The following CACNA1I variants were observed in gnomAD, a reference collection of about 807,000 sequenced individuals.
The protein encoded by CACNA1I is voltage-dependent T-type calcium channel subunit alpha-1I.
A neutral mutation model predicts 201.6 loss-of-function variants in CACNA1I; 74 were observed. That is an observed-to-expected ratio of 0.37 (90% CI 0.30 to 0.45). CACNA1I has a LOEUF of 0.45. Ranked by LOEUF, CACNA1I falls within the 20% of genes least tolerant of loss-of-function variation. CACNA1I has a pLI of 1.00. For missense variants in CACNA1I, 2,346 were observed against 3,138.1 expected (o/e 0.75, Z 6.03); for synonymous variants, 1,431 against 1,345.2 (o/e 1.06, Z -1.40).
chr22:39,624,086 C>T (rs547877173), intron 4 of CACNA1I, among the ~76,000 whole-genome samples: 2 of 143,084 alleles, frequency 1.4e-5, no homozygotes, highest in South Asian at 2.3e-4. Flanking sequence ...TGTGAGAGCG[C>T]GTGTGTGAAG....
chr22:39,677,361 C>G lies in CACNA1I; in HGVS notation c.4875C>G (p.Leu1625=). ...ALPQVGNLGL[L]FMLLFFIYAA... The stretch of plus-strand genomic sequence containing the variant: ...CGCAGGTGGGCAACCTGGGCCTCCT[C>G]TTCATGCTGCTCTTCTTCATCTATG... Residue 1625 remains leucine, a synonymous_variant, in exon 30 of 37, where the codon CTC becomes CTG. Transcript: ENST00000402142. The surrounding 1 kb of genome is among the most constrained non-coding windows in gnomAD (Gnocchi z 4.8). 6.3e-7 allele frequency: 1 copy of G among 1,599,392 alleles called. No homozygotes were observed. Among genetic ancestry groups the G allele is most frequent in the Non-Finnish European group, 8.5e-7 (1 of 1,175,426 alleles).
chr22:39,682,646 C>T lies in CACNA1I; in HGVS notation c.5815C>T (p.His1939Tyr). The T allele has an allele frequency of 6.2e-7, 1 of 1,612,980 alleles. No homozygotes were observed. Among genetic ancestry groups the T allele is most frequent in the South Asian group, 1.1e-5 (1 of 91,014 alleles). The change falls in exon 35 of 37, where the codon CAT (histidine) becomes TAT (tyrosine). Residue 1939 changes from histidine to tyrosine, a missense_variant. Physicochemically the swap from His to Tyr is moderately conservative, Grantham distance 83. Transcript: ENST00000402142. Reference sequence around the variant, plus strand: ...CAACCCTGTCCGGTCCTGGCTGAAACATGACAGCAGTCAAGGTGAGGGGTG... The same window carrying T: ...CAACCCTGTCCGGTCCTGGCTGAAATATGACAGCAGTCAAGGTGAGGGGTG... ...PFNPVRSWLK[H>Y]DSSQAPPSPF... is the part of the protein sequence containing the mutation.
At chr22:39,593,481 G>T (rs561696061) in intron 1 of CACNA1I, among the ~76,000 whole-genome samples, 1 of 152,214 alleles carries the variant, frequency 6.6e-6, no homozygotes, top group Non-Finnish European at 1.5e-5. Context: ...GGTGACCTGC[G>T]AACTGGGCTC....
intron 4 of CACNA1I, among the ~76,000 whole-genome samples, chr22:39,627,340 G>T (rs1055273526): frequency 2.0e-5 from 3 of 152,260 alleles, no homozygotes; most frequent in Non-Finnish European, 4.4e-5. Context: ...AAGCCACGAG[G>T]CAGGCGGGGG....
At chr22:39,678,680 G>A (rs567914544) in intron 31 of CACNA1I, among the ~76,000 whole-genome samples, 7 of 152,328 alleles carry the variant, frequency 4.6e-5, no homozygotes, top group South Asian at 4.1e-4. Flanking sequence ...AGCCCAGGGC[G>A]GGAAGGTGAT....
At chr22:39,619,161 G>A (rs1035737496) in intron 3 of CACNA1I, 149 bp from the exon 4 acceptor site, 8 of 652,962 alleles carry the variant, frequency 1.2e-5, no homozygotes, top group African/African-American at 7.2e-5. Context: ...CAGGCCACAT[G>A]TTGGCCAGGT....
At chr22:39,664,961 T>G (rs747240632) in intron 21 of CACNA1I, 38 bp downstream of exon 21, 4 of 1,592,322 alleles carry the variant, frequency 2.5e-6, no homozygotes, top group African/African-American at 1.3e-5. Context: ...GAAAGTGTCA[T>G]GCACTGTACC....
At chr22:39,589,928 A>G (rs1932802183) in intron 1 of CACNA1I, among the ~76,000 whole-genome samples, 1 of 152,228 alleles carries the variant, frequency 6.6e-6, no homozygotes, top group African/African-American at 2.4e-5. Flanking sequence ...TGACAAAAAT[A>G]AAAACAAACT....
intron 4 of CACNA1I, among the ~76,000 whole-genome samples, chr22:39,627,556 T>C (rs1199766179): frequency 6.6e-6 from 1 of 152,242 alleles, no homozygotes; most frequent in African/African-American, 2.4e-5. Flanking sequence ...AGGGTCATGG[T>C]CAGGCCAGCC....
chr22:39,672,903 G>T (rs1355155773), intron 27 of CACNA1I, 46 bp from the exon 28 acceptor site: 16 of 1,579,126 alleles, frequency 1.0e-5, no homozygotes, highest in Non-Finnish European at 1.3e-5. Flanking sequence ...GAACCAGAGG[G>T]ATCCTCCTCA....
Position 39,679,784 on chromosome 22 carries a change from C to T in CACNA1I, c.5457C>T (p.Thr1819=). 6.2e-7 allele frequency: 1 copy of T among 1,613,038 alleles called. No homozygotes were observed. The highest frequency in any genetic ancestry group is 8.5e-7 in the Non-Finnish European group (1 of 1,179,582). Reference sequence around the variant, plus strand: ...AGGACTCCTTGGAGGGGGAGCTGACCATCATCGACAACCTGTCGGGCTCCA... The same window carrying T: ...AGGACTCCTTGGAGGGGGAGCTGACTATCATCGACAACCTGTCGGGCTCCA... ...IIKDSLEGEL[T]IIDNLSGSIF... The change falls in exon 33 of 37, where the codon ACC becomes ACT. Residue 1819 remains threonine (T), a synonymous_variant. Transcript: ENST00000402142.
At chr22:39,593,510 G>A (rs1018320391) in intron 1 of CACNA1I, among the ~76,000 whole-genome samples, 2 of 152,202 alleles carry the variant, frequency 1.3e-5, no homozygotes, top group Admixed American at 1.3e-4. Context: ...TCTGCCTGCT[G>A]GAGAGGTGGA....
At chr22:39,656,074 T>C (rs114782474) in intron 10 of CACNA1I, among the ~76,000 whole-genome samples, 1,873 of 152,310 alleles carry the variant, frequency 0.012, 36 homozygotes, top group African/African-American at 0.042. Context: ...AGGGTCCCTC[T>C]CAGGGTCCTA....
chr22:39,590,027 C>T lies in CACNA1I; in HGVS notation c.237-8124C>T, dbSNP rs543853890. Reference sequence around the variant, plus strand: ...AGAAACTGAGTGTCGCCTGGGCCTGCAGAAGGAGGGTGGTGGTCGCCATGG... The same window carrying T: ...AGAAACTGAGTGTCGCCTGGGCCTGTAGAAGGAGGGTGGTGGTCGCCATGG... On this transcript the variant is annotated intron_variant, in intron 1 of 36. Coordinates refer to ENST00000402142, the MANE Select transcript of CACNA1I (RefSeq NM_021096.4). Among the ~76,000 whole-genome samples, 16 of 152,246 alleles carry T rather than the reference C, an allele frequency of 1.1e-4. 1 individual carries two copies. The South Asian group carries it at 3.3e-3, about 32-fold the overall frequency.
intron 5 of CACNA1I, among the ~76,000 whole-genome samples, chr22:39,639,451 T>A (rs1196965970): frequency 6.6e-6 from 1 of 152,248 alleles, no homozygotes; most frequent in Non-Finnish European, 1.5e-5. Flanking sequence ...TATTTTCTTA[T>A]AACGTTTTTG....
At chr22:39,582,929 C>T (rs1310509615) in intron 1 of CACNA1I, among the ~76,000 whole-genome samples, 1 of 150,316 alleles carries the variant, frequency 6.7e-6, no homozygotes, top group Non-Finnish European at 1.5e-5. Context: ...TCTAACCATC[C>T]ATCCATCCAA....
chr22:39,628,464 A>G (rs944345241), intron 4 of CACNA1I, among the ~76,000 whole-genome samples: 7 of 152,124 alleles, frequency 4.6e-5, no homozygotes, highest in Non-Finnish European at 8.8e-5. Context: ...TCAGTGAGAC[A>G]GCCGGGCCAG....
intron 16 of CACNA1I, 61 bp downstream of exon 16, chr22:39,661,371 C>A: frequency 7.8e-7 from 1 of 1,286,734 alleles, no homozygotes; most frequent in Non-Finnish European, 1.0e-6. Flanking sequence ...TGGAGGGGCC[C>A]TGAAGAGAGG....
At chr22:39,577,108 C>T (rs144587111) in intron 1 of CACNA1I, among the ~76,000 whole-genome samples, 1 of 152,118 alleles carries the variant, frequency 6.6e-6, no homozygotes, top group South Asian at 2.1e-4. Flanking sequence ...CTCACCACCA[C>T]ACCCAGCTAA....
Sources: gnomAD v4.1 joint callset for allele counts (sites outside exome capture counted in the v4.1 genomes callset) on GRCh38, gnomAD v4.1.1 for gene constraint, Gnocchi (gnomAD v3.1) non-coding constraint, MANE v1.5 for transcripts, NCBI Gene and HGNC (gene_info 2026-07-23, HGNC 2026-07-21) for gene names.